The following UNC79 variants were observed in gnomAD, a reference collection of about 807,000 sequenced individuals.
The protein encoded by UNC79 is unc-79 subunit of NALCN channel complex, also known as protein unc-79 homolog.
Under a neutral mutation model 283.1 loss-of-function variants are expected in UNC79, and 37 were observed. That is an observed-to-expected ratio of 0.13 (90% CI 0.10 to 0.17). The LOEUF is 0.17. UNC79 is among the 10% of genes least tolerant of loss of function. The pLI is 1.00. For synonymous variants in UNC79, 1,107 were observed against 1,200.2 expected (o/e 0.92, Z 1.61); for missense variants, 2,272 against 3,211.1 (o/e 0.71, Z 7.07).
Position 93,347,256 on chromosome 14 carries a change from C to A in UNC79, c.-351+13733C>A, listed in dbSNP as rs773687297. On this transcript the variant is annotated intron_variant, in intron 1 of 49. Coordinates refer to the UNC79 transcript ENST00000256339. ...GTGCTGTCCACGCCTGGCTTTGTCTCACCTGACGCGATATGCCTCTCCTGC... is the reference window on the plus strand; with the variant it reads ...GTGCTGTCCACGCCTGGCTTTGTCTAACCTGACGCGATATGCCTCTCCTGC... 13 of 1,596,486 alleles carry A rather than the reference C, an allele frequency of 8.1e-6. 1 individual carries two copies. The highest frequency in any genetic ancestry group is 1.7e-4 in the Middle Eastern group (1 of 6,014).
intron 14 of UNC79, among the ~76,000 whole-genome samples, chr14:93,553,290 G>T (rs2061990543): frequency 6.6e-6 from 1 of 152,136 alleles, no homozygotes; most frequent in Non-Finnish European, 1.5e-5. Flanking sequence ...AACAAAAAGG[G>T]TCAGCAGCAT....
intron 5 of UNC79, among the ~76,000 whole-genome samples, chr14:93,493,924 A>G (rs2058886459): frequency 6.5e-5 from 2 of 30,668 alleles, no homozygotes; most frequent in Non-Finnish European, 1.6e-4. Context: ...TTTTTTTGAG[A>G]TAGAGTTTTG....
chr14:93,568,054 G>A (rs2062999320), intron 14 of UNC79, among the ~76,000 whole-genome samples: 1 of 152,178 alleles, frequency 6.6e-6, no homozygotes, highest in African/African-American at 2.4e-5. Context: ...TCTCAGTGTG[G>A]CAGAGGGAAG....
At chr14:93,404,491 A>AAAAAAAAAAAT (rs1555404597) in intron 1 of UNC79, among the ~76,000 whole-genome samples, 1 of 22,998 alleles carries the variant, frequency 4.3e-5, no homozygotes, top group African/African-American at 2.1e-4. Context: ...CCTTCTAAAA[A>AAAAAAAAAAAT]AAATATATAT....
At chr14:93,622,901 T>C (rs2139950306) in intron 30 of UNC79, 60 bp downstream of exon 32, 2 of 1,568,462 alleles carry the variant, frequency 1.3e-6, no homozygotes, top group Non-Finnish European at 1.7e-6. Context: ...TCTTGTTTGA[T>C]AGGGTACCGG....
At chr14:93,566,222 A>G (rs969629081) in intron 14 of UNC79, among the ~76,000 whole-genome samples, 1 of 152,078 alleles carries the variant, frequency 6.6e-6, no homozygotes, top group African/African-American at 2.4e-5. Context: ...TTGCCGGAGA[A>G]TCTCTTATAA....
At chr14:93,373,783 AC>A (rs1349535023) in intron 1 of UNC79, among the ~76,000 whole-genome samples, 2 of 152,234 alleles carry the variant, frequency 1.3e-5, no homozygotes, top group Non-Finnish European at 2.9e-5. Context: ...ATAAAGCCAG[AC>A]AAAAACATTA....
At chr14:93,554,626 G>A (rs377431031) in intron 14 of UNC79, among the ~76,000 whole-genome samples, 2 of 152,068 alleles carry the variant, frequency 1.3e-5, no homozygotes, top group East Asian at 3.8e-4. Flanking sequence ...CCCTGTGTTA[G>A]CAAGCTTTTA....
intron 1 of UNC79, among the ~76,000 whole-genome samples, chr14:93,349,016 C>T (rs1405680141): frequency 6.6e-6 from 1 of 152,176 alleles, no homozygotes; most frequent in African/African-American, 2.4e-5. Flanking sequence ...GGGTCCGTGC[C>T]GCCTTTAAGA....
intron 14 of UNC79, among the ~76,000 whole-genome samples, chr14:93,560,282 T>A (rs1201044759): frequency 6.6e-6 from 1 of 152,214 alleles, no homozygotes; most frequent in Non-Finnish European, 1.5e-5. Context: ...TGAGTTTTTT[T>A]ATGTTGTCAT....
chr14:93,674,370 G>T (rs1037893609), intron 41 of UNC79, among the ~76,000 whole-genome samples: 5 of 152,130 alleles, frequency 3.3e-5, no homozygotes, highest in Non-Finnish European at 7.4e-5. Context: ...TACATTTAGG[G>T]ATAATGGCAT....
chr14:93,426,662 G>A (rs1230716716), upstream of UNC79, among the ~76,000 whole-genome samples: 4 of 151,624 alleles, frequency 2.6e-5, no homozygotes, highest in East Asian at 7.7e-4. Flanking sequence ...ATCATCTAGT[G>A]AATTTTTTAT....
intron 14 of UNC79, among the ~76,000 whole-genome samples, chr14:93,543,684 T>C (rs917328524): frequency 2.6e-5 from 4 of 152,212 alleles, no homozygotes; most frequent in African/African-American, 4.8e-5. Context: ...TTTTTGAATA[T>C]GATGTAATTT....
chr14:93,456,347 T>C (rs1223221696), intron 1 of UNC79, among the ~76,000 whole-genome samples: 1 of 151,970 alleles, frequency 6.6e-6, no homozygotes, highest in Non-Finnish European at 1.5e-5. Context: ...AGTAAAATAA[T>C]GTGATGAATA....
intron 31 of UNC79, 86 bp from the exon 35 acceptor site, chr14:93,637,130 C>T: frequency 2.5e-6 from 2 of 800,986 alleles, no homozygotes; most frequent in Admixed American, 1.8e-5. Flanking sequence ...AAAATTGGCC[C>T]CCAGAGATGA....
At chr14:93,653,222 A>C (rs1437513066) in intron 35 of UNC79, among the ~76,000 whole-genome samples, 1 of 152,022 alleles carries the variant, frequency 6.6e-6, no homozygotes, top group Non-Finnish European at 1.5e-5. Context: ...GTGAAGGTCA[A>C]ATTGCACCTG....
intron 7 of UNC79, among the ~76,000 whole-genome samples, chr14:93,513,358 A>G (rs1309143081): frequency 6.6e-6 from 1 of 151,874 alleles, no homozygotes; most frequent in Non-Finnish European, 1.5e-5. Context: ...AGTAGCTGGA[A>G]CTACAGGCAT....
chr14:93,400,181 C>T (rs775502102), intron 1 of UNC79, among the ~76,000 whole-genome samples: 10 of 152,092 alleles, frequency 6.6e-5, no homozygotes, highest in African/African-American at 1.7e-4. Flanking sequence ...GCTCCTTTAG[C>T]GGGGGCTGTT....
At chr14:93,422,352 G>C (rs2055618549) in intron 1 of UNC79, among the ~76,000 whole-genome samples, 1 of 147,492 alleles carries the variant, frequency 6.8e-6, no homozygotes, top group Admixed American at 6.7e-5. Context: ...AGGTTGTGGA[G>C]ACCAAAGCTT....
Sources: gnomAD v4.1 joint callset for allele counts (sites outside exome capture counted in the v4.1 genomes callset) on GRCh38, gnomAD v4.1.1 for gene constraint, MANE v1.5 for transcripts, NCBI Gene and HGNC (gene_info 2026-07-23, HGNC 2026-07-21) for gene names.